Variants in PTPN14 observed in about 807,000 individuals in gnomAD.
The protein encoded by PTPN14 is protein tyrosine phosphatase non-receptor type 14.
Under a neutral mutation model 126.8 loss-of-function variants are expected in PTPN14, and 53 were observed. The ratio of observed to expected loss-of-function variants is 0.42; its 90% CI spans 0.34 to 0.53. The LOEUF is 0.53. PTPN14 is among the 20% of genes least tolerant of loss of function. The pLI is 0.08. For synonymous variants in PTPN14, 630 were observed against 599.3 expected (o/e 1.05, Z -0.75); for missense variants, 1,257 against 1,552.9 (o/e 0.81, Z 3.20).
chr1:214,479,867 C>T (rs544948561), intron 1 of PTPN14, among the ~76,000 whole-genome samples: 1 of 151,894 alleles, frequency 6.6e-6, no homozygotes, highest in African/African-American at 2.4e-5. Flanking sequence ...CACAGAGGAC[C>T]AATATTAAAA....
chr1:214,365,038 T>C (rs937547429), intron 17 of PTPN14, among the ~76,000 whole-genome samples: 2 of 152,102 alleles, frequency 1.3e-5, no homozygotes, highest in Admixed American at 1.3e-4. Flanking sequence ...TTCCTGCTAT[T>C]AACAGACTGG....
intron 13 of PTPN14, among the ~76,000 whole-genome samples, chr1:214,380,987 G>A (rs1343900746): frequency 6.6e-6 from 1 of 152,016 alleles, no homozygotes; most frequent in African/African-American, 2.4e-5. Context: ...AAATCAACAG[G>A]GAAAATGAAG....
chr1:214,527,878 G>C (rs1416518640), intron 1 of PTPN14, among the ~76,000 whole-genome samples: 2 of 152,162 alleles, frequency 1.3e-5, no homozygotes, highest in African/African-American at 4.8e-5. Context: ...GAATGTTTAA[G>C]CATCAGTAAG....
At chr1:214,391,718 A>AAC (rs1558082359) in intron 10 of PTPN14, among the ~76,000 whole-genome samples, 2 of 151,472 alleles carry the variant, frequency 1.3e-5, no homozygotes, top group African/African-American at 2.4e-5. Flanking sequence ...AAAAAAAAAA[A>AAC]AACCCAGGAC....
intron 1 of PTPN14, among the ~76,000 whole-genome samples, chr1:214,481,552 T>C (rs998874255): frequency 1.3e-5 from 2 of 150,892 alleles, no homozygotes; most frequent in South Asian, 2.1e-4. Flanking sequence ...TAAAATATTC[T>C]AGTTATCTAT....
intron 2 of PTPN14, among the ~76,000 whole-genome samples, chr1:214,457,017 TA>T (rs1166512388): frequency 6.6e-6 from 1 of 152,238 alleles, no homozygotes; most frequent in Non-Finnish European, 1.5e-5. Flanking sequence ...GTGTTGCATT[TA>T]ATTGAGTACC....
intron 1 of PTPN14, among the ~76,000 whole-genome samples, chr1:214,545,119 G>A (rs1453148055): frequency 6.6e-6 from 1 of 152,164 alleles, no homozygotes; most frequent in African/African-American, 2.4e-5. Context: ...CATATCATAA[G>A]GGGAAAAACA....
At chr1:214,476,372 CT>C (rs1350106939) in intron 1 of PTPN14, among the ~76,000 whole-genome samples, 1 of 152,234 alleles carries the variant, frequency 6.6e-6, no homozygotes, top group African/African-American at 2.4e-5. Flanking sequence ...TTGCTTCGCT[CT>C]TTTCCGGAGA....
chr1:214,497,776 C>T (rs1040979267), intron 1 of PTPN14, among the ~76,000 whole-genome samples: 1 of 152,044 alleles, frequency 6.6e-6, no homozygotes, highest in African/African-American at 2.4e-5. Context: ...CTCTACATTT[C>T]ATATTATGTA....
intron 1 of PTPN14, chr1:214,529,149 A>C (rs1655476252): frequency 6.6e-6 from 1 of 152,072 alleles, no homozygotes. Context: ...CCAAAAAATA[A>C]AAATTAAAAT....
At chr1:214,420,695 G>T (rs1302383895) in intron 3 of PTPN14, among the ~76,000 whole-genome samples, 1 of 152,212 alleles carries the variant, frequency 6.6e-6, no homozygotes, top group East Asian at 1.9e-4. Context: ...GTTTAGAAAA[G>T]AAAAACTCAT....
At chr1:214,530,397 A>C (rs1302668654) in intron 1 of PTPN14, 1 of 139,240 alleles carries the variant, frequency 7.2e-6, no homozygotes, top group African/African-American at 2.8e-5. Flanking sequence ...GGTGTGCATC[A>C]GTGGTAGGAT....
At chr1:214,522,634 C>T (rs188454610) in intron 1 of PTPN14, among the ~76,000 whole-genome samples, 59 of 152,318 alleles carry the variant, frequency 3.9e-4, no homozygotes, top group Admixed American at 6.5e-4. Flanking sequence ...ATTGAGCCTA[C>T]ACCAAATGGT....
chr1:214,437,298 A>G (rs1184805778), intron 3 of PTPN14, among the ~76,000 whole-genome samples: 1 of 152,142 alleles, frequency 6.6e-6, no homozygotes, highest in East Asian at 1.9e-4. Context: ...CAAAATTCTC[A>G]CTTTAAAAAT....
chr1:214,440,408 G>T (rs2102619740), intron 3 of PTPN14, among the ~76,000 whole-genome samples: 1 of 152,306 alleles, frequency 6.6e-6, no homozygotes, highest in East Asian at 1.9e-4. Flanking sequence ...CTCTTTCTAT[G>T]CATGAACCTT....
chr1:214,449,667 A>C (rs1660228397), intron 3 of PTPN14, among the ~76,000 whole-genome samples: 1 of 152,198 alleles, frequency 6.6e-6, no homozygotes, highest in African/African-American at 2.4e-5. Context: ...TACAGGAAGA[A>C]CTTGGATATG....
At chr1:214,443,341 C>T (rs1660075307) in intron 3 of PTPN14, among the ~76,000 whole-genome samples, 1 of 152,104 alleles carries the variant, frequency 6.6e-6, no homozygotes, top group Admixed American at 6.5e-5. Flanking sequence ...TGACTTTACA[C>T]CACCTCCCCA....
intron 1 of PTPN14, among the ~76,000 whole-genome samples, chr1:214,478,346 C>G (rs1056994237): frequency 6.6e-6 from 1 of 152,026 alleles, no homozygotes; most frequent in Non-Finnish European, 1.5e-5. Flanking sequence ...TGATGTGTTA[C>G]TAAGTAGGAA....
intron 5 of PTPN14, among the ~76,000 whole-genome samples, chr1:214,407,999 TTCTC>T (rs58372330): frequency 9.9e-5 from 15 of 152,198 alleles, no homozygotes; most frequent in South Asian, 2.1e-4. Context: ...CCTCTGCTCC[TTCTC>T]TCTCTGTCTA....
Sources: allele counts gnomAD v4.1 joint callset (sites outside exome capture counted in the v4.1 genomes callset), GRCh38; gene constraint gnomAD v4.1.1; transcripts MANE v1.5; gene names NCBI Gene and HGNC (gene_info 2026-07-23, HGNC 2026-07-21).